The following LRMDA variants were observed in gnomAD, a reference collection of about 807,000 sequenced individuals.
The protein encoded by LRMDA is leucine rich melanocyte differentiation associated, also known as leucine-rich melanocyte differentiation-associated protein.
LRMDA carries 18 observed loss-of-function variants against 29.8 expected under a neutral mutation model. The observed-to-expected ratio is 0.60, with a 90% CI of 0.42 to 0.90. LRMDA has a LOEUF of 0.90. Ranked by LOEUF, LRMDA falls within the 40% of genes least tolerant of loss-of-function variation. The pLI is 0.00. For synonymous variants in LRMDA, 125 were observed against 109.4 expected (o/e 1.14, Z -0.89); for missense variants, 273 against 273.9 (o/e 1.00, Z 0.02).
chr10:76,280,731 A>C (rs1840192474), intron 5 of LRMDA, among the ~76,000 whole-genome samples: 1 of 152,132 alleles, frequency 6.6e-6, no homozygotes, highest in Non-Finnish European at 1.5e-5. Flanking sequence ...TAGTGTATCA[A>C]ATGCCACCTG....
intron 5 of LRMDA, among the ~76,000 whole-genome samples, chr10:76,144,898 A>G (rs920792989): frequency 2.6e-5 from 4 of 152,190 alleles, no homozygotes; most frequent in African/African-American, 9.7e-5. Flanking sequence ...AGTTTTTAGC[A>G]TGAAGTGTTG....
chr10:76,148,153 G>T (rs1342051525), intron 5 of LRMDA, among the ~76,000 whole-genome samples: 1 of 152,206 alleles, frequency 6.6e-6, no homozygotes, highest in African/African-American at 2.4e-5. Context: ...TGAGGAGGCA[G>T]TCTGTCTGTT....
chr10:76,325,273 C>T (rs61860561), intron 6 of LRMDA, among the ~76,000 whole-genome samples: 3 of 152,106 alleles, frequency 2.0e-5, no homozygotes, highest in Admixed American at 1.3e-4. Context: ...TCCAAGTCAC[C>T]GTCTGGGCTC....
intron 2 of LRMDA, among the ~76,000 whole-genome samples, chr10:75,488,894 C>A (rs543413198): frequency 6.6e-6 from 1 of 152,266 alleles, no homozygotes; most frequent in South Asian, 2.1e-4. Flanking sequence ...CAAGAGCCCC[C>A]TTAACCCTCA....
chr10:76,545,629 G>A (rs1382479080), intron 6 of LRMDA, among the ~76,000 whole-genome samples: 2 of 130,294 alleles, frequency 1.5e-5, no homozygotes, highest in East Asian at 4.2e-4. Context: ...TAAAGAGCTG[G>A]AACAACCTTT....
intron 6 of LRMDA, among the ~76,000 whole-genome samples, chr10:76,333,543 G>C (rs1463393953): frequency 1.3e-5 from 2 of 152,188 alleles, no homozygotes; most frequent in Non-Finnish European, 2.9e-5. Flanking sequence ...CAGGAGAGCA[G>C]GAGTGGGGGC....
intron 2 of LRMDA, among the ~76,000 whole-genome samples, chr10:75,452,409 A>G (rs4746298): frequency 0.79 from 119,941 of 151,916 alleles, 47,750 homozygotes; most frequent in Middle Eastern, 0.86. Context: ...ACTTGGGGTC[A>G]CATCATAGCC....
chr10:76,036,224 C>A, intron 3 of LRMDA, 90 bp downstream of exon 3: 1 of 1,297,948 alleles, frequency 7.7e-7, no homozygotes, highest in Non-Finnish European at 1.0e-6. Context: ...TGCAAAATGT[C>A]AAATGAGTTT....
In LRMDA at chr10:75,699,935, G is replaced by A. The variant is rs147141756; in HGVS notation, c.131+261441G>A. On this transcript the variant is annotated intron_variant, in intron 2 of 6. Transcript: ENST00000611255. Reference sequence around the variant, plus strand: ...TTTGTGACCATGGAGGCAGAAATTGGAGTGAGTCTACCACAAGCCAAGAGA... The same window carrying A: ...TTTGTGACCATGGAGGCAGAAATTGAAGTGAGTCTACCACAAGCCAAGAGA... Among the ~76,000 whole-genome samples the A allele has an allele frequency of 5.8e-3, 885 of 152,236 alleles. 8 individuals are homozygous for A. The highest frequency in any genetic ancestry group is 0.01 in the Middle Eastern group (3 of 294).
intron 5 of LRMDA, among the ~76,000 whole-genome samples, chr10:76,121,593 T>A (rs1472771445): frequency 1.3e-5 from 2 of 152,168 alleles, no homozygotes; most frequent in Non-Finnish European, 2.9e-5. Flanking sequence ...AGAGGAAACT[T>A]CTCCCCTTAA....
At chr10:76,056,415 G>A (rs1848615303) in intron 4 of LRMDA, among the ~76,000 whole-genome samples, 1 of 152,210 alleles carries the variant, frequency 6.6e-6, no homozygotes, top group African/African-American at 2.4e-5. Context: ...TTTCACCGGG[G>A]ACACACCCCT....
At chr10:75,570,796 C>T (rs1199507912) in intron 2 of LRMDA, among the ~76,000 whole-genome samples, 1 of 152,200 alleles carries the variant, frequency 6.6e-6, no homozygotes, top group African/African-American at 2.4e-5. Context: ...AAAGTTGCAT[C>T]TGTAAAATGT....
At chr10:76,555,506 G>A (rs1843545183) in intron 6 of LRMDA, among the ~76,000 whole-genome samples, 1 of 152,144 alleles carries the variant, frequency 6.6e-6, no homozygotes. Context: ...GTGGAACAAT[G>A]TCACCCTCTC....
chr10:76,151,707 T>G (rs1222907415), intron 5 of LRMDA, among the ~76,000 whole-genome samples: 1 of 152,242 alleles, frequency 6.6e-6, no homozygotes, highest in Non-Finnish European at 1.5e-5. Flanking sequence ...AATTGCATTT[T>G]TTCCTGCTGA....
chr10:76,469,389 A>T (rs189078364), intron 6 of LRMDA, among the ~76,000 whole-genome samples: 26 of 152,302 alleles, frequency 1.7e-4, no homozygotes, highest in Non-Finnish European at 3.4e-4. Flanking sequence ...CAAATGTGGC[A>T]GTTCTACCAC....
chr10:76,147,417 C>T (rs994394056), intron 5 of LRMDA, among the ~76,000 whole-genome samples: 5 of 152,202 alleles, frequency 3.3e-5, no homozygotes, highest in South Asian at 2.1e-4. Flanking sequence ...CTTCTCTTCT[C>T]GCTTCATTTC....
At chr10:75,790,895 T>C (rs913091396) in intron 2 of LRMDA, among the ~76,000 whole-genome samples, 2 of 152,240 alleles carry the variant, frequency 1.3e-5, no homozygotes, top group African/African-American at 4.8e-5. Flanking sequence ...TGGCTTTCGT[T>C]GTAATGGTTC....
chr10:75,729,350 A>G (rs1842667951), intron 2 of LRMDA, among the ~76,000 whole-genome samples: 2 of 152,220 alleles, frequency 1.3e-5, no homozygotes, highest in Non-Finnish European at 2.9e-5. Context: ...CTAGTCCCCA[A>G]AGAAGACAGA....
At chr10:76,139,829 A>C (rs946676045) in intron 5 of LRMDA, among the ~76,000 whole-genome samples, 2 of 152,114 alleles carry the variant, frequency 1.3e-5, no homozygotes, top group African/African-American at 4.8e-5. Context: ...TTGAGATTAA[A>C]AAGCAGGTTA....
Sources: allele counts gnomAD v4.1 joint callset (sites outside exome capture counted in the v4.1 genomes callset), GRCh38; gene constraint gnomAD v4.1.1; transcripts MANE v1.5; gene names NCBI Gene and HGNC (gene_info 2026-07-23, HGNC 2026-07-21).